Variants in CNTLN observed in about 807,000 individuals in gnomAD.
CNTLN encodes centlein, centrosomal protein.
Under a neutral mutation model 180.0 loss-of-function variants are expected in CNTLN, and 212 were observed. That is an observed-to-expected ratio of 1.18 (90% CI 1.05 to 1.32). The LOEUF (loss-of-function observed/expected upper bound fraction) is 1.32, where lower values mean the gene tolerates loss of function less well. CNTLN is among the 40% of genes most tolerant of loss of function. The pLI is 0.00. For missense variants in CNTLN, 2,095 were observed against 1,610.9 expected, an observed-to-expected ratio of 1.30 and a Z score of -5.14; for synonymous variants, 722 against 563.1, an observed-to-expected ratio of 1.28 and a Z score of -3.99.
intron 7 of CNTLN, among the ~76,000 whole-genome samples, chr9:17,308,387 A>T (rs936967359): frequency 1.3e-5 from 2 of 152,110 alleles, no homozygotes; most frequent in African/African-American, 4.8e-5. Context: ...CCAGTATTGA[A>T]GAGCCTTTAC....
intron 15 of CNTLN, among the ~76,000 whole-genome samples, chr9:17,401,112 T>C (rs1160911126): frequency 6.6e-6 from 1 of 152,232 alleles, no homozygotes; most frequent in Non-Finnish European, 1.5e-5. Flanking sequence ...AATCTTGCTT[T>C]AGGTTCCTAG....
intron 18 of CNTLN, among the ~76,000 whole-genome samples, chr9:17,441,758 C>T (rs1198157219): frequency 6.6e-6 from 1 of 151,708 alleles, no homozygotes. Flanking sequence ...GGAGAGTTGC[C>T]GAATGGATTA....
rs181406649 is a variant in CNTLN at position 17,380,533 on chromosome 9, C to T, written c.1988-7629C>T. Among the ~76,000 whole-genome samples, 369 of 152,246 alleles carry T rather than the reference C, an allele frequency of 2.4e-3. 2 individuals are homozygous for T. The highest frequency in any genetic ancestry group is 8.4e-3 in the African/African-American group (348 of 41,546). On this transcript the variant is annotated intron_variant, in intron 13 of 25. Transcript: ENST00000380647. ...CCCTTCAGAGACTGCAGTCCATTGACGTACAACAAGTCTGGTTGGGGAGGG... is the reference window on the plus strand; with the variant it reads ...CCCTTCAGAGACTGCAGTCCATTGATGTACAACAAGTCTGGTTGGGGAGGG...
chr9:17,419,158 A>G (rs926704863), intron 18 of CNTLN, among the ~76,000 whole-genome samples: 9 of 152,076 alleles, frequency 5.9e-5, no homozygotes, highest in Non-Finnish European at 1.2e-4. Flanking sequence ...TACTCTAAAG[A>G]TATGTGTTAC....
chr9:17,407,642 T>C (rs993928888), intron 15 of CNTLN, among the ~76,000 whole-genome samples: 3 of 152,198 alleles, frequency 2.0e-5, no homozygotes, highest in Admixed American at 1.3e-4. Context: ...TAAATCTTAT[T>C]TGAAATACTT....
chr9:17,344,283 C>G (rs957517593), intron 12 of CNTLN, among the ~76,000 whole-genome samples: 1 of 152,088 alleles, frequency 6.6e-6, no homozygotes, highest in Admixed American at 6.6e-5. Context: ...AATTAAATGC[C>G]GTGTCATTCT....
intron 18 of CNTLN, among the ~76,000 whole-genome samples, chr9:17,444,421 T>C (rs1489110867): frequency 6.6e-6 from 1 of 152,264 alleles, no homozygotes; most frequent in African/African-American, 2.4e-5. Flanking sequence ...AATTTCAGAG[T>C]CATGAGGGTA....
chr9:17,141,586 G>A (rs1318183878), intron 1 of CNTLN, among the ~76,000 whole-genome samples: 1 of 152,100 alleles, frequency 6.6e-6, no homozygotes, highest in Non-Finnish European at 1.5e-5. Flanking sequence ...GTTTGGATTA[G>A]TTTCCTAATT....
chr9:17,330,844 A>C, intron 9 of CNTLN, 36 bp downstream of exon 9: 1 of 1,563,296 alleles, frequency 6.4e-7, no homozygotes, highest in South Asian at 1.2e-5. Context: ...ATTTGCCAGG[A>C]TGAGGCTGGA....
At chr9:17,243,091 T>G (rs1453385853) in intron 5 of CNTLN, among the ~76,000 whole-genome samples, 1 of 152,194 alleles carries the variant, frequency 6.6e-6, no homozygotes, top group African/African-American at 2.4e-5. Context: ...AATTTGTCTA[T>G]TCTAGATTTT....
intron 7 of CNTLN, among the ~76,000 whole-genome samples, chr9:17,306,045 C>G (rs111245913): frequency 0.015 from 2,230 of 152,018 alleles, 54 homozygotes; most frequent in African/African-American, 0.05. Context: ...CTAGTCATAT[C>G]ACATCAAGTC....
At chr9:17,275,604 A>C (rs1016062545) in intron 6 of CNTLN, among the ~76,000 whole-genome samples, 3 of 152,170 alleles carry the variant, frequency 2.0e-5, no homozygotes, top group Admixed American at 6.6e-5. Flanking sequence ...GTGCTAGGCT[A>C]TTAGAACAAA....
At chr9:17,441,930 A>G (rs904220161) in intron 18 of CNTLN, among the ~76,000 whole-genome samples, 10 of 152,206 alleles carry the variant, frequency 6.6e-5, no homozygotes, top group Admixed American at 2.0e-4. Context: ...AAAAACCATT[A>G]TAAGAGACAA....
intron 12 of CNTLN, among the ~76,000 whole-genome samples, chr9:17,357,948 TAAG>T (rs1329258915): frequency 1.3e-4 from 19 of 151,942 alleles, no homozygotes; most frequent in Non-Finnish European, 2.7e-4. Flanking sequence ...AGTTGCTTCT[TAAG>T]AAACTTTGTT....
intron 5 of CNTLN, among the ~76,000 whole-genome samples, chr9:17,243,970 T>C (rs1422420312): frequency 6.6e-6 from 1 of 152,128 alleles, no homozygotes; most frequent in African/African-American, 2.4e-5. Context: ...ATATTTTCTT[T>C]ATATATCTTG....
chr9:17,301,546 T>A (rs544570459), intron 7 of CNTLN: 1 of 984,910 alleles, frequency 1.0e-6, no homozygotes, highest in Admixed American at 6.1e-5. Context: ...GAGATTACCT[T>A]GGGGAGTGTG....
intron 5 of CNTLN, among the ~76,000 whole-genome samples, chr9:17,252,863 T>C (rs1826231647): frequency 6.7e-6 from 1 of 149,704 alleles, no homozygotes; most frequent in African/African-American, 2.5e-5. Context: ...TGGAGAGTTT[T>C]CTCTATGTTT....
chr9:17,375,527 A>G (rs1481996797), intron 13 of CNTLN, among the ~76,000 whole-genome samples: 2 of 152,180 alleles, frequency 1.3e-5, no homozygotes, highest in Admixed American at 6.5e-5. Flanking sequence ...CCCACACACA[A>G]AAATTCTAGA....
At chr9:17,285,838 T>G (rs1405478339) in intron 6 of CNTLN, among the ~76,000 whole-genome samples, 1 of 95,956 alleles carries the variant, frequency 1.0e-5, no homozygotes, top group African/African-American at 5.5e-5. Context: ...CTTCGCCCAC[T>G]TTTTGATGGG....
Sources: gnomAD v4.1 joint callset for allele counts (sites outside exome capture counted in the v4.1 genomes callset) on GRCh38, gnomAD v4.1.1 for gene constraint, MANE v1.5 for transcripts, NCBI Gene and HGNC (gene_info 2026-07-23, HGNC 2026-07-21) for gene names.